MIPOL1: variants seen among roughly 807,000 people sequenced by gnomAD.
The protein encoded by MIPOL1 is mirror-image polydactyly 1.
A neutral mutation model predicts 60.9 loss-of-function variants in MIPOL1; 57 were observed. The ratio of observed to expected loss-of-function variants is 0.94; its 90% confidence interval spans 0.76 to 1.17. The LOEUF is 1.17. MIPOL1 is among the 50% of genes most tolerant of loss of function. MIPOL1 has a pLI of 0.00. For synonymous variants in MIPOL1, 179 were observed against 168.8 expected, an observed-to-expected ratio of 1.06 and a Z score of -0.47; for missense variants, 551 against 511.6, an observed-to-expected ratio of 1.08 and a Z score of -0.74.
chr14:37,206,864 T>G (rs549966395), intron 1 of MIPOL1, among the ~76,000 whole-genome samples: 3 of 152,352 alleles, frequency 2.0e-5, no homozygotes, highest in Non-Finnish European at 4.4e-5. Context: ...TTCTCCCATT[T>G]GGAATGGCTG....
chr14:37,458,899 G>A (rs1035823367), intron 11 of MIPOL1, among the ~76,000 whole-genome samples: 1 of 151,570 alleles, frequency 6.6e-6, no homozygotes, highest in Admixed American at 6.6e-5. Flanking sequence ...AAAATAAACA[G>A]TTTGTTTCTG....
At chr14:37,481,070 G>A (rs2094855922) in intron 11 of MIPOL1, among the ~76,000 whole-genome samples, 1 of 152,172 alleles carries the variant, frequency 6.6e-6, no homozygotes, top group Admixed American at 6.5e-5. Flanking sequence ...GAGCCCAGGA[G>A]TACAAGGTTA....
rs144031030 is a variant in MIPOL1, at chr14:37,437,803, A to G, written c.1031+14854A>G. ...AAATAATGCATGTACAATGCTTTAT[A>G]CAGTACTTGGGTACACTTAGGAATG... On this transcript the variant is annotated intron_variant, in intron 11 of 12. Transcript: ENST00000684589. Among the ~76,000 whole-genome samples the G allele has an allele frequency of 1.0e-3, 156 of 152,346 alleles. 1 individual carries two copies. Among genetic ancestry groups the G allele is most frequent in the African/African-American group, 3.4e-3 (141 of 41,578 alleles).
chr14:37,444,856 C>T (rs2094307569), intron 11 of MIPOL1, among the ~76,000 whole-genome samples: 1 of 152,086 alleles, frequency 6.6e-6, no homozygotes, highest in South Asian at 2.1e-4. Context: ...GCAGAAAAGG[C>T]CTTTGACAAA....
chr14:37,208,602 T>A (rs992979112), intron 1 of MIPOL1, among the ~76,000 whole-genome samples: 49 of 152,334 alleles, frequency 3.2e-4, no homozygotes, highest in African/African-American at 1.2e-3. Flanking sequence ...TGTTGTTTTT[T>A]AATTTTTTTG....
intron 9 of MIPOL1, among the ~76,000 whole-genome samples, chr14:37,316,189 G>A (rs952621605): frequency 6.6e-6 from 1 of 151,846 alleles, no homozygotes; most frequent in African/African-American, 2.4e-5. Flanking sequence ...ACCATGCCTG[G>A]CTAATTATTT....
intron 12 of MIPOL1, among the ~76,000 whole-genome samples, chr14:37,537,806 ATAAAG>A (rs1002220305): frequency 6.6e-5 from 10 of 152,208 alleles, no homozygotes; most frequent in African/African-American, 2.4e-4. Flanking sequence ...AAATTTAAAA[ATAAAG>A]TAAATGCTCT....
Position 37,266,950 on chromosome 14 carries a change from G to T in MIPOL1, c.32G>T (p.Ser11Ile). 1 of 1,611,080 alleles carries T rather than the reference G, an allele frequency of 6.2e-7. No homozygotes were observed. Among genetic ancestry groups the T allele is most frequent in the Non-Finnish European group, 8.5e-7 (1 of 1,178,174 alleles). Residue 11 changes from serine to isoleucine, a missense_variant, in exon 4 of 13, where the codon AGT becomes ATT. Transcript: ENST00000684589. ...TGTTTAAATACAGACATAACCCACA[G>T]TTATCTTGAACAAGAAACTACGGGG... is the stretch of plus-strand genomic sequence containing the variant. MENWSKDITH[S>I]YLEQETTGIN...
intron 12 of MIPOL1, among the ~76,000 whole-genome samples, chr14:37,527,761 A>G (rs1474957528): frequency 1.3e-5 from 2 of 152,138 alleles, no homozygotes; most frequent in Admixed American, 1.3e-4. Context: ...GAAAAGAACA[A>G]TAAAATAACA....
chr14:37,456,312 A>G (rs1263508060), intron 11 of MIPOL1, among the ~76,000 whole-genome samples: 1 of 152,120 alleles, frequency 6.6e-6, no homozygotes, highest in African/African-American at 2.4e-5. Flanking sequence ...AAATGTTGCT[A>G]AATGATACCT....
intron 10 of MIPOL1, among the ~76,000 whole-genome samples, chr14:37,388,364 G>A (rs573785883): frequency 6.6e-6 from 1 of 151,828 alleles, no homozygotes; most frequent in South Asian, 2.1e-4. Context: ...GTATTTGCTT[G>A]TTTCAAGGGT....
At chr14:37,215,133 TTCTC>T (rs1025424229) in intron 1 of MIPOL1, among the ~76,000 whole-genome samples, 2 of 151,098 alleles carry the variant, frequency 1.3e-5, no homozygotes, top group East Asian at 3.9e-4. Context: ...GTAAGCTGTC[TTCTC>T]TCTCTCTCTC....
chr14:37,230,196 C>T lies in MIPOL1; in HGVS notation c.-198-16907C>T, dbSNP rs893928458. Among the ~76,000 whole-genome samples, 5 of 152,100 alleles carry T rather than the reference C, an allele frequency of 3.3e-5. No homozygotes were observed. In the East Asian group the frequency reaches 9.6e-4, roughly 29 times the overall value. On this transcript the variant is annotated intron_variant, in intron 1 of 12. Transcript: ENST00000684589. ...TGTACAATTGTGACTTGTCAAGATA[C>T]ATAAATATGCATTTAAAAATCATTA...
intron 12 of MIPOL1, among the ~76,000 whole-genome samples, chr14:37,522,506 G>C (rs759338986): frequency 2.6e-5 from 4 of 152,220 alleles, no homozygotes; most frequent in South Asian, 2.1e-4. Context: ...TTGCTCTGAA[G>C]TATGCTGCAA....
intron 11 of MIPOL1, among the ~76,000 whole-genome samples, chr14:37,433,121 T>C (rs2094104064): frequency 6.6e-6 from 1 of 151,852 alleles, no homozygotes; most frequent in Non-Finnish European, 1.5e-5. Context: ...AGTGCAGTGG[T>C]GCAATCATAG....
intron 1 of MIPOL1, among the ~76,000 whole-genome samples, chr14:37,246,579 C>T (rs1002391807): frequency 6.6e-6 from 1 of 152,084 alleles, no homozygotes; most frequent in Admixed American, 6.6e-5. Context: ...ATTTGCCCTG[C>T]TTAGACTGTC....
intron 9 of MIPOL1, among the ~76,000 whole-genome samples, chr14:37,366,862 C>T (rs1001165101): frequency 5.3e-5 from 8 of 151,918 alleles, no homozygotes; most frequent in African/African-American, 1.9e-4. Context: ...TTTAAAATTG[C>T]TGCATCCTCT....
chr14:37,408,917 A>C (rs1325816053), intron 10 of MIPOL1, among the ~76,000 whole-genome samples: 1 of 152,178 alleles, frequency 6.6e-6, no homozygotes, highest in Non-Finnish European at 1.5e-5. Context: ...AAAAAATGAG[A>C]GTTGAACCAG....
chr14:37,268,082 A>C (rs1196850675), intron 4 of MIPOL1, among the ~76,000 whole-genome samples: 2 of 152,202 alleles, frequency 1.3e-5, no homozygotes, highest in Admixed American at 6.5e-5. Flanking sequence ...TTTAAAAAGA[A>C]GTTTCAGTGA....
Sources: gnomAD v4.1 joint callset for allele counts (sites outside exome capture counted in the v4.1 genomes callset) on GRCh38, gnomAD v4.1.1 for gene constraint, MANE v1.5 for transcripts, NCBI Gene and HGNC (gene_info 2026-07-23, HGNC 2026-07-21) for gene names.